Variants in ARB2A observed in about 807,000 individuals in gnomAD.
ARB2A encodes ARB2 cotranscriptional regulator A.
the ARB2A span, among the ~76,000 whole-genome samples, chr5:94,024,966 A>G: frequency 6.6e-6 from 1 of 152,220 alleles, no homozygotes; most frequent in Admixed American, 6.5e-5. Flanking sequence ...AAAAGGGCCA[A>G]CTCATGAAAG....
At chr5:93,881,828 A>C in the ARB2A span, 1 of 432,616 alleles carries the variant, frequency 2.3e-6, no homozygotes, top group Non-Finnish European at 3.9e-6. Flanking sequence ...CAAGATAATG[A>C]TTTTATTTTT....
the ARB2A span, among the ~76,000 whole-genome samples, chr5:93,680,253 G>A: frequency 1.3e-5 from 2 of 152,042 alleles, no homozygotes; most frequent in Non-Finnish European, 2.9e-5. Context: ...AAACTCTTGT[G>A]TATTTAAAGG....
chr5:94,017,474 G>A, the ARB2A span, among the ~76,000 whole-genome samples: 1 of 152,186 alleles, frequency 6.6e-6, no homozygotes, highest in Non-Finnish European at 1.5e-5. Flanking sequence ...CAGATGTTAT[G>A]TGAAGTATCC....
chr5:93,922,648 GAGGGAGGGAGGGAGGA>G, the ARB2A span, among the ~76,000 whole-genome samples: 17 of 93,090 alleles, frequency 1.8e-4, no homozygotes, highest in Admixed American at 3.2e-4. Flanking sequence ...GAAAGGGAGG[GAGGGAGGGAGGGAGGA>G]AGGGAGGGAG....
At chr5:93,778,662 A>G in the ARB2A span, among the ~76,000 whole-genome samples, 2 of 152,054 alleles carry the variant, frequency 1.3e-5, no homozygotes, top group African/African-American at 4.8e-5. Flanking sequence ...TCCAACTAGT[A>G]CCTCCAAATC....
the ARB2A span, among the ~76,000 whole-genome samples, chr5:94,060,251 C>T: frequency 6.6e-6 from 1 of 152,018 alleles, no homozygotes; most frequent in Admixed American, 6.5e-5. Flanking sequence ...ACTCAGGAGG[C>T]TTAGGCAGGA....
chr5:93,757,368 G>A, the ARB2A span, among the ~76,000 whole-genome samples: 4 of 152,110 alleles, frequency 2.6e-5, no homozygotes, highest in Non-Finnish European at 4.4e-5. Context: ...AATACAAGAT[G>A]CACAAAGAAC....
chr5:93,724,854 C>T, the ARB2A span, among the ~76,000 whole-genome samples: 1 of 152,020 alleles, frequency 6.6e-6, no homozygotes, highest in African/African-American at 2.4e-5. Context: ...GCCATCATCA[C>T]TACTCTTGCC....
At chr5:93,780,400 T>C in the ARB2A span, among the ~76,000 whole-genome samples, 1 of 152,210 alleles carries the variant, frequency 6.6e-6, no homozygotes, top group Non-Finnish European at 1.5e-5. Flanking sequence ...TTCATTTACC[T>C]TTTACCTCTC....
chr5:93,768,192 T>TG, the ARB2A span, among the ~76,000 whole-genome samples: 8 of 151,228 alleles, frequency 5.3e-5, no homozygotes, highest in East Asian at 5.8e-4. Flanking sequence ...TTTGGGGACT[T>TG]GGGGGGGAAG....
chr5:93,725,195 T>C, the ARB2A span, among the ~76,000 whole-genome samples: 7 of 152,182 alleles, frequency 4.6e-5, no homozygotes, highest in Admixed American at 6.6e-5. Flanking sequence ...GGGGAACTAC[T>C]GTATTAAATA....
At chr5:93,620,976 G>C in the ARB2A span, 3 of 1,599,900 alleles carry the variant, frequency 1.9e-6, no homozygotes, top group Non-Finnish European at 2.6e-6. Context: ...CCCCCGTCGC[G>C]CTCGCTCCTC....
At chr5:93,824,114 G>C in the ARB2A span, 1 of 1,501,298 alleles carries the variant, frequency 6.7e-7, no homozygotes, top group South Asian at 1.4e-5. Flanking sequence ...CCTACAAGGA[G>C]ACTGGAACTA....
chr5:93,766,461 G>A, the ARB2A span, among the ~76,000 whole-genome samples: 31 of 152,268 alleles, frequency 2.0e-4, no homozygotes, highest in African/African-American at 7.0e-4. Flanking sequence ...CTGGCCATCA[G>A]AGAAATGCAA....
the ARB2A span, among the ~76,000 whole-genome samples, chr5:93,926,187 T>C: frequency 6.6e-6 from 1 of 151,936 alleles, no homozygotes; most frequent in African/African-American, 2.4e-5. Flanking sequence ...TGGAGTACAA[T>C]GGCGCGATCT....
At chr5:94,043,812 T>C in the ARB2A span, among the ~76,000 whole-genome samples, 1 of 152,236 alleles carries the variant, frequency 6.6e-6, no homozygotes, top group African/African-American at 2.4e-5. Context: ...TGAGATTCCC[T>C]ATGGAAAAGA....
the ARB2A span, among the ~76,000 whole-genome samples, chr5:93,984,402 C>T: frequency 6.6e-6 from 1 of 152,096 alleles, no homozygotes; most frequent in Non-Finnish European, 1.5e-5. Flanking sequence ...TAACAATTTG[C>T]TTTCATCAAA....
the ARB2A span, among the ~76,000 whole-genome samples, chr5:94,047,857 G>A: frequency 2.9e-4 from 44 of 152,236 alleles, no homozygotes; most frequent in Non-Finnish European, 5.6e-4. Flanking sequence ...AAAGGACAAG[G>A]TATATTTGAA....
the ARB2A span, chr5:93,782,027 A>T: frequency 3.1e-6 from 2 of 642,050 alleles, no homozygotes; most frequent in Non-Finnish European, 3.9e-6. Context: ...CTGGACTCTT[A>T]TCTTGCCAAC....
Sources: allele counts gnomAD v4.1 joint callset (sites outside exome capture counted in the v4.1 genomes callset), GRCh38; gene constraint gnomAD v4.1.1; transcripts MANE v1.5; gene names NCBI Gene and HGNC (gene_info 2026-07-23, HGNC 2026-07-21).